The following TARS3 variants were observed in gnomAD, a reference collection of about 807,000 sequenced individuals.
TARS3 encodes the protein threonine--tRNA ligase 2, cytoplasmic.
In TARS3, 94 loss-of-function variants were observed where a neutral mutation model predicts 103.5. The ratio of observed to expected loss-of-function variants is 0.91; its 90% CI spans 0.77 to 1.08. The LOEUF (loss-of-function observed/expected upper bound fraction) is 1.08. Ranked by LOEUF, TARS3 falls within the 50% of genes least tolerant of loss-of-function variation. The pLI is 0.00. For synonymous variants in TARS3, 416 were observed against 355.4 expected, an observed-to-expected ratio of 1.17 and a Z score of -1.92; for missense variants, 952 against 995.2, an observed-to-expected ratio of 0.96 and a Z score of 0.58.
At position 101,717,849 on chromosome 15, in the gene TARS3, T is replaced by C. The variant is rs867254712; in HGVS notation, c.567-2886A>G. ...CTTGAGTTTTTTGTGATGTCTTTGT[T>C]GTAGCAGCTTAGTATATATCTTAAG... On this transcript the variant is annotated intron_variant, in intron 3 of 18. Coordinates refer to ENST00000335968, the MANE Select transcript of TARS3 (RefSeq NM_152334.3). Among the ~76,000 whole-genome samples, 5 of 152,340 alleles carry C rather than the reference T, an allele frequency of 3.3e-5. No homozygotes were observed. The Middle Eastern group carries it at 0.01, about 311-fold the overall frequency.
intron 4 of TARS3, 42 bp downstream of exon 4, chr15:101,714,798 A>G (rs778833007): frequency 5.0e-6 from 8 of 1,592,628 alleles, no homozygotes; most frequent in African/African-American, 1.3e-5. Context: ...AGTTTACAAC[A>G]TAACTACCCA....
intron 10 of TARS3, among the ~76,000 whole-genome samples, chr15:101,689,929 C>T (rs1267256983): frequency 1.3e-5 from 2 of 152,180 alleles, no homozygotes; most frequent in Non-Finnish European, 2.9e-5. Context: ...ATCAGCTTGG[C>T]CCTAGCGTCC....
Position 101,701,302 on chromosome 15 carries a change from T to A in TARS3, c.1222-118A>T, listed in dbSNP as rs146597570. 1.6e-4 allele frequency: 85 copies of A among 546,074 alleles called. 1 individual carries two copies. In the African/African-American group the frequency reaches 1.6e-3, roughly 10 times the overall value. 33.8% of individuals were successfully genotyped at this position (546,074 alleles called of 1,614,324 possible). A position where few individuals can be genotyped will look rare whatever the true frequency, so the allele number is the denominator to read the frequency against. On this transcript the variant is annotated intron_variant, in intron 9 of 18. Transcript: ENST00000335968. ...TCTAGTAATAGACATTCCAAGGCCATTCAACACTTATACCTAAATGCATGC... is the reference window on the plus strand; with the variant it reads ...TCTAGTAATAGACATTCCAAGGCCAATCAACACTTATACCTAAATGCATGC...
chr15:101,706,265 G>C (rs1014991338), intron 6 of TARS3, among the ~76,000 whole-genome samples: 1 of 152,136 alleles, frequency 6.6e-6, no homozygotes, highest in Non-Finnish European at 1.5e-5. Context: ...TGGGATTACA[G>C]GTGTGAGCCA....
Position 101,724,443 on chromosome 15 carries a change from C to T in TARS3, c.-56G>A. ...GGGGTGCCCGCGACTGCGGCGAGGG[C>T]GACGCGGACACTCAGCGCACGGCAG... On this transcript the variant is annotated 5_prime_UTR_variant, in exon 1 of 19. Coordinates refer to ENST00000335968, the MANE Select transcript of TARS3 (RefSeq NM_152334.3). 2 of 1,352,454 alleles carry T rather than the reference C, an allele frequency of 1.5e-6. No individual in the cohort carries two copies. Among genetic ancestry groups the T allele is most frequent in the Middle Eastern group, 5.3e-4 (2 of 3,796 alleles). The allele number at this position is 1,352,454 out of a possible 1,614,324, so 83.8% of individuals were successfully genotyped here.
At chr15:101,690,329 T>G (rs778276132) in intron 10 of TARS3, among the ~76,000 whole-genome samples, 4 of 152,256 alleles carry the variant, frequency 2.6e-5, no homozygotes, top group Non-Finnish European at 5.9e-5. Context: ...TATATACTTT[T>G]AAACACAATA....
intron 17 of TARS3, 93 bp downstream of exon 17, chr15:101,657,692 G>A: frequency 6.3e-6 from 5 of 787,852 alleles, no homozygotes; most frequent in South Asian, 2.0e-5. Flanking sequence ...TGTCAGTTCT[G>A]CAATATTTTA....
chr15:101,698,416 T>C (rs910455723), intron 10 of TARS3, among the ~76,000 whole-genome samples: 3 of 152,064 alleles, frequency 2.0e-5, no homozygotes, highest in Admixed American at 2.0e-4. Context: ...ATATGGGCCA[T>C]TTCTTATGGA....
chr15:101,708,254 T>C, intron 6 of TARS3, among the ~76,000 whole-genome samples: 1 of 67,464 alleles, frequency 1.5e-5, no homozygotes, highest in Non-Finnish European at 2.5e-5. Flanking sequence ...AGAGACTCTG[T>C]CTGAAAAAAA....
intron 12 of TARS3, among the ~76,000 whole-genome samples, chr15:101,677,385 C>T (rs1183946144): frequency 6.6e-6 from 1 of 152,190 alleles, no homozygotes; most frequent in Non-Finnish European, 1.5e-5. Context: ...CACTGGAGCT[C>T]CTGGTTCTCA....
At chr15:101,699,025 A>G (rs967538179) in intron 10 of TARS3, among the ~76,000 whole-genome samples, 3 of 152,214 alleles carry the variant, frequency 2.0e-5, no homozygotes, top group Admixed American at 6.5e-5. Flanking sequence ...ATCGAATTCA[A>G]TGATCAGTCC....
chr15:101,708,261 A>G (rs1485786383), intron 6 of TARS3, among the ~76,000 whole-genome samples: 26 of 55,232 alleles, frequency 4.7e-4, no homozygotes, highest in East Asian at 2.7e-3. Flanking sequence ...CTGTCTGAAA[A>G]AAAAAAAAAA....
At chr15:101,715,184 T>C (rs1309541415) in intron 3 of TARS3, among the ~76,000 whole-genome samples, 1 of 150,738 alleles carries the variant, frequency 6.6e-6, no homozygotes, top group African/African-American at 2.4e-5. Flanking sequence ...TCTCGCTCTG[T>C]CGCCCAGGCT....
At chr15:101,722,129 CT>C (rs1227393808) in intron 2 of TARS3, among the ~76,000 whole-genome samples, 1 of 152,014 alleles carries the variant, frequency 6.6e-6, no homozygotes, top group African/African-American at 2.4e-5. Flanking sequence ...CTCCAAAAGG[CT>C]CCTCTCTGCC....
In TARS3 at chr15:101,703,895, T is replaced by C. The variant is rs760407656; in HGVS notation, c.1038A>G (p.Arg346=). 3 of 1,613,330 alleles carry C rather than the reference T, an allele frequency of 1.9e-6. No individual in the cohort carries two copies. Among genetic ancestry groups the C allele is most frequent in the Non-Finnish European group, 2.5e-6 (3 of 1,179,712 alleles). ...LIDLCKGPHV[R]HTGKIKTIKI... is the part of the protein sequence containing the mutation. Reference sequence around the variant, plus strand: ...TGATGGTTTTAATTTTTCCAGTGTGTCTTACATGTGGACCTTTGCAAAGGT... The same window carrying C: ...TGATGGTTTTAATTTTTCCAGTGTGCCTTACATGTGGACCTTTGCAAAGGT... The change falls in exon 8 of 19, where the codon AGA becomes AGG. Residue 346 remains arginine (R), a synonymous_variant. Coordinates refer to ENST00000335968, the MANE Select transcript of TARS3 (RefSeq NM_152334.3).
chr15:101,668,163 A>C (rs972726876), intron 15 of TARS3, among the ~76,000 whole-genome samples: 2 of 152,156 alleles, frequency 1.3e-5, no homozygotes, highest in Non-Finnish European at 2.9e-5. Flanking sequence ...CAAGAGGCCG[A>C]GCTTTTGGCC....
Position 101,724,450 on chromosome 15 carries a change from G to C in TARS3, c.-63C>G, listed in dbSNP as rs1596337165. 7.4e-7 allele frequency: 1 copy of C among 1,353,382 alleles called. No homozygotes were observed. Among genetic ancestry groups the C allele is most frequent in the Non-Finnish European group, 9.4e-7 (1 of 1,060,504 alleles). 83.8% of individuals were successfully genotyped at this position (1,353,382 alleles called of 1,614,324 possible). ...CCGCGACTGCGGCGAGGGCGACGCGGACACTCAGCGCACGGCAGAAGACAG... is the reference window on the plus strand; with the variant it reads ...CCGCGACTGCGGCGAGGGCGACGCGCACACTCAGCGCACGGCAGAAGACAG... On this transcript the variant is annotated 5_prime_UTR_variant, in exon 1 of 19. Coordinates refer to ENST00000335968, the MANE Select transcript of TARS3 (RefSeq NM_152334.3).
chr15:101,655,913 A>G (rs1897184112), intron 18 of TARS3: 1 of 1,289,266 alleles, frequency 7.8e-7, no homozygotes, highest in Non-Finnish European at 1.0e-6. Flanking sequence ...GCCAGCCAGA[A>G]CTTTCTGGAA....
intron 10 of TARS3, among the ~76,000 whole-genome samples, chr15:101,694,857 G>A (rs538990213): frequency 6.6e-6 from 1 of 152,110 alleles, no homozygotes; most frequent in Non-Finnish European, 1.5e-5. Context: ...ATTTCATAGC[G>A]ACAGAAACTA....
Sources: allele counts gnomAD v4.1 joint callset (sites outside exome capture counted in the v4.1 genomes callset), GRCh38; gene constraint gnomAD v4.1.1; transcripts MANE v1.5; gene names NCBI Gene and HGNC (gene_info 2026-07-23, HGNC 2026-07-21).